TLL1: variants seen among roughly 807,000 people sequenced by gnomAD.
TLL1 encodes the protein tolloid-like protein 1.
Under a neutral mutation model 128.2 loss-of-function variants are expected in TLL1, and 49 were observed. That is an observed-to-expected ratio of 0.38 (90% CI 0.30 to 0.48). TLL1 has a LOEUF of 0.48. TLL1 is among the 20% of genes least tolerant of loss of function. TLL1 has a pLI of 0.96. For missense variants in TLL1, 1,123 were observed against 1,242.0 expected (o/e 0.90, Z 1.44); for synonymous variants, 454 against 418.8 (o/e 1.08, Z -1.03).
intron 15 of TLL1, 140 bp from the exon 16 acceptor site, chr4:166,065,543 C>T: frequency 1.2e-6 from 1 of 807,024 alleles, no homozygotes; most frequent in Non-Finnish European, 2.0e-6. Flanking sequence ...TGTGTCTGAC[C>T]TGATTTTTTT....
intron 8 of TLL1, among the ~76,000 whole-genome samples, chr4:166,016,373 CTT>C (rs2111054269): frequency 6.6e-6 from 1 of 152,154 alleles, no homozygotes; most frequent in South Asian, 2.1e-4. Context: ...ATAAAACTCT[CTT>C]GATTATATCT....
intron 18 of TLL1, among the ~76,000 whole-genome samples, chr4:166,090,243 A>G (rs1284270202): frequency 6.6e-6 from 1 of 152,008 alleles, no homozygotes; most frequent in African/African-American, 2.4e-5. Flanking sequence ...TCTTCAATGT[A>G]TGATGGTTTT....
chr4:165,911,800 A>G (rs548891513), intron 1 of TLL1, among the ~76,000 whole-genome samples: 1 of 152,310 alleles, frequency 6.6e-6, no homozygotes, highest in African/African-American at 2.4e-5. Flanking sequence ...AATGTCTTGT[A>G]ATTAATGGGT....
In TLL1 at chr4:165,973,135, G is replaced by A. The variant is rs181952637; in HGVS notation, c.170-16246G>A. Among the ~76,000 whole-genome samples the A allele has an allele frequency of 4.5e-4, 68 of 152,226 alleles. 1 individual carries two copies. The highest frequency in any genetic ancestry group is 1.6e-3 in the African/African-American group (66 of 41,542). ...TATATATGAAAGGGAGTTTATTAGA[G>A]AGAATTGGCTCACACTATCAAAAGC... On this transcript the variant is annotated intron_variant, in intron 1 of 20. Transcript: ENST00000061240.
chr4:166,059,408 T>G (rs762685694), intron 14 of TLL1, among the ~76,000 whole-genome samples: 31 of 152,154 alleles, frequency 2.0e-4, no homozygotes, highest in Non-Finnish European at 4.0e-4. Context: ...CTTTTAAAAA[T>G]AGATCATCAC....
At position 166,062,112 on chromosome 4, in the gene TLL1, T is replaced by A. The variant is rs1740344387; in HGVS notation, c.2007+1924T>A. Among the ~76,000 whole-genome samples, 3 of 152,214 alleles carry A rather than the reference T, an allele frequency of 2.0e-5. No individual in the cohort carries two copies. In the South Asian group the frequency reaches 6.2e-4, roughly 32 times the overall value. Reference sequence around the variant, plus strand: ...TGGTACCAGTACCATGCTGTTTTAGTTACTGTAGCCTTGTAGTATAGTTTG... The same window carrying A: ...TGGTACCAGTACCATGCTGTTTTAGATACTGTAGCCTTGTAGTATAGTTTG... On this transcript the variant is annotated intron_variant, in intron 15 of 20. Transcript: ENST00000061240.
chr4:165,896,871 T>C (rs1731707126), intron 1 of TLL1, among the ~76,000 whole-genome samples: 1 of 152,174 alleles, frequency 6.6e-6, no homozygotes, highest in Non-Finnish European at 1.5e-5. Context: ...CCACCAAAAG[T>C]GTAAAAGCAT....
In TLL1 at chr4:165,989,632, G is replaced by T. The variant is rs1184526309; in HGVS notation, c.280+141G>T. 8 of 613,094 alleles carry T rather than the reference G, an allele frequency of 1.3e-5. No homozygotes were observed. In the East Asian group the frequency reaches 1.5e-4, roughly 11 times the overall value. The allele number at this position is 613,094 out of a possible 1,614,324, so 38.0% of individuals were successfully genotyped here. A position where few individuals can be genotyped will look rare whatever the true frequency, so the allele number is the denominator to read the frequency against. The stretch of plus-strand genomic sequence containing the variant: ...TACACAAATATACATATTTAGAAAT[G>T]CAGGTTTTATTCATAGTTTTCATTT... On this transcript the variant is annotated intron_variant, in intron 2 of 20. Transcript: ENST00000061240.
intron 5 of TLL1, among the ~76,000 whole-genome samples, chr4:165,998,362 T>G (rs1041405440): frequency 1.3e-5 from 2 of 152,320 alleles, no homozygotes; most frequent in South Asian, 4.1e-4. Context: ...TCTTACTTTT[T>G]TTAATCTACT....
chr4:165,963,114 A>G (rs1176082091), intron 1 of TLL1, among the ~76,000 whole-genome samples: 1 of 151,428 alleles, frequency 6.6e-6, no homozygotes, highest in East Asian at 1.9e-4. Flanking sequence ...CATGAATGTA[A>G]AGATGGGAAC....
intron 1 of TLL1, among the ~76,000 whole-genome samples, chr4:165,915,623 C>T (rs1245645289): frequency 1.3e-5 from 2 of 152,166 alleles, no homozygotes; most frequent in Admixed American, 1.3e-4. Flanking sequence ...CCTAAAGTTA[C>T]ATGTGAGGGA....
intron 8 of TLL1, among the ~76,000 whole-genome samples, chr4:166,016,523 A>C (rs900170599): frequency 2.6e-5 from 4 of 152,062 alleles, no homozygotes; most frequent in Non-Finnish European, 5.9e-5. Context: ...CAATTCTTGG[A>C]TATTTCAGTT....
intron 1 of TLL1, among the ~76,000 whole-genome samples, chr4:165,918,423 G>A (rs2110884394): frequency 6.6e-6 from 1 of 152,120 alleles, no homozygotes. Flanking sequence ...TTATTTGGGG[G>A]AGTCTTAAAA....
At chr4:165,975,590 A>G (rs1735840174) in intron 1 of TLL1, among the ~76,000 whole-genome samples, 1 of 152,324 alleles carries the variant, frequency 6.6e-6, no homozygotes, top group Non-Finnish European at 1.5e-5. Context: ...GACAATGAAA[A>G]TAAAAGAAAA....
chr4:165,907,993 C>G (rs887656376), intron 1 of TLL1, among the ~76,000 whole-genome samples: 2 of 152,186 alleles, frequency 1.3e-5, no homozygotes, highest in African/African-American at 2.4e-5. Flanking sequence ...TTTACCAGTT[C>G]ACCACGGAAG....
At chr4:166,059,647 CA>C (rs796373446) in intron 14 of TLL1, among the ~76,000 whole-genome samples, 24 of 150,266 alleles carry the variant, frequency 1.6e-4, no homozygotes, top group South Asian at 6.3e-4. Flanking sequence ...TCAATTCCGA[CA>C]AAAAAAAAAT....
chr4:166,009,833 C>T (rs1413143254), intron 7 of TLL1, among the ~76,000 whole-genome samples: 3 of 150,966 alleles, frequency 2.0e-5, no homozygotes, highest in South Asian at 2.1e-4. Context: ...TGGAAAAACA[C>T]AAAACATCAA....
intron 1 of TLL1, among the ~76,000 whole-genome samples, chr4:165,908,369 C>A (rs1002017643): frequency 6.6e-6 from 1 of 151,992 alleles, no homozygotes; most frequent in Non-Finnish European, 1.5e-5. Flanking sequence ...GCAGGAGGAT[C>A]ACTTGAGCCC....
At chr4:165,951,407 G>T (rs1414308938) in intron 1 of TLL1, among the ~76,000 whole-genome samples, 2 of 152,088 alleles carry the variant, frequency 1.3e-5, no homozygotes, top group African/African-American at 4.8e-5. Flanking sequence ...TGGCAGGAAT[G>T]GAATGGAACC....
Sources: allele counts gnomAD v4.1 joint callset (sites outside exome capture counted in the v4.1 genomes callset), GRCh38; gene constraint gnomAD v4.1.1; transcripts MANE v1.5; gene names NCBI Gene and HGNC (gene_info 2026-07-23, HGNC 2026-07-21).